XRCC1: variants seen among roughly 807,000 people sequenced by gnomAD.
The protein encoded by XRCC1 is DNA repair protein XRCC1.
In XRCC1, 52 loss-of-function variants were observed where a neutral mutation model predicts 83.3. That is an observed-to-expected ratio of 0.62 (90% CI 0.50 to 0.79). The LOEUF (loss-of-function observed/expected upper bound fraction) is 0.79. Ranked by LOEUF, XRCC1 falls within the 30% of genes least tolerant of loss-of-function variation. XRCC1 has a pLI of 0.00. For synonymous variants in XRCC1, 281 were observed against 312.6 expected, an observed-to-expected ratio of 0.90 and a Z score of 1.07; for missense variants, 793 against 823.5, an observed-to-expected ratio of 0.96 and a Z score of 0.45.
chr19:43,543,332 T>G lies in XRCC1; in HGVS notation c.*60A>C. ...TGGATGAGAACCAACTCATCTTTAT[T>G]AAATGCATCGTGTGTGTGTGTGTGT... is the stretch of plus-strand genomic sequence containing the variant. On this transcript the variant is annotated 3_prime_UTR_variant, in exon 17 of 17. Coordinates refer to ENST00000262887, the MANE Select transcript of XRCC1 (RefSeq NM_006297.3). 6.9e-7 allele frequency: 1 copy of G among 1,447,278 alleles called. No homozygotes were observed. The highest frequency in any genetic ancestry group is 9.5e-7 in the Non-Finnish European group (1 of 1,056,706). 89.7% of individuals were successfully genotyped at this position (1,447,278 alleles called of 1,614,324 possible).
At chr19:43,559,573 G>T (rs905210920) in intron 3 of XRCC1, among the ~76,000 whole-genome samples, 3 of 149,878 alleles carry the variant, frequency 2.0e-5, no homozygotes, top group Admixed American at 1.3e-4. Context: ...ATGAAACAGA[G>T]ATCTAAATGT....
At chr19:43,558,293 C>T (rs1371274991) in intron 3 of XRCC1, among the ~76,000 whole-genome samples, 2 of 151,394 alleles carry the variant, frequency 1.3e-5, no homozygotes, top group Non-Finnish European at 2.9e-5. Flanking sequence ...TGAGATCGTG[C>T]CACTGCACTC....
At chr19:43,544,345 G>T in intron 14 of XRCC1, 111 bp from the exon 15 acceptor site, 1 of 902,714 alleles carries the variant, frequency 1.1e-6, no homozygotes, top group Non-Finnish European at 1.7e-6. Context: ...TCCACATGTG[G>T]GCAGGGATTG....
In XRCC1 at chr19:43,562,774, G is replaced by A. The variant is rs3213314; in HGVS notation, c.145-1754C>T. Among the ~76,000 whole-genome samples the A allele has an allele frequency of 7.1e-4, 108 of 152,298 alleles. 1 individual carries two copies. In the South Asian group the frequency reaches 0.022, roughly 30 times the overall value. Reference sequence around the variant, plus strand: ...AAAACTTACCCTCCCTCTGAAGGAAGTTGAGATGACACAGAATTAACAACT... The same window carrying A: ...AAAACTTACCCTCCCTCTGAAGGAAATTGAGATGACACAGAATTAACAACT... On this transcript the variant is annotated intron_variant, in intron 2 of 16. Coordinates refer to ENST00000262887, the MANE Select transcript of XRCC1 (RefSeq NM_006297.3).
chr19:43,546,913 C>A lies in XRCC1; in HGVS notation c.1264G>T (p.Gly422Ter), dbSNP rs371113463. The A allele has an allele frequency of 6.2e-7, 1 of 1,614,008 alleles. No homozygotes were observed. The highest frequency in any genetic ancestry group is 8.5e-7 in the Non-Finnish European group (1 of 1,180,004). Reference protein sequence around the residue: ...EDEASHSGGSGDEAPKLPQKQ... With the variant: ...EDEASHSGGS ...TGAGGAAGCTTGGGGGCTTCATCTC[C>A]GCTGCCACCGCTGTGAGAGGCCTCA... Residue 422 changes from glycine to a stop codon, truncating the protein, a stop_gained, in exon 11 of 17, where the codon GGA becomes TGA. Coordinates refer to ENST00000262887, the MANE Select transcript of XRCC1 (RefSeq NM_006297.3). LOFTEE classifies it high-confidence loss of function.
chr19:43,558,194 G>T (rs1448103847), intron 3 of XRCC1, among the ~76,000 whole-genome samples: 1 of 152,064 alleles, frequency 6.6e-6, no homozygotes, highest in Non-Finnish European at 1.5e-5. Context: ...GCAAAGTTGG[G>T]CATGGTGGTG....
Position 43,551,654 on chromosome 19 carries a change from C to T in XRCC1, c.1116G>A (p.Gln372=). 6.2e-7 allele frequency: 1 copy of T among 1,614,180 alleles called. No homozygotes were observed. Among genetic ancestry groups the T allele is most frequent in the Non-Finnish European group, 8.5e-7 (1 of 1,180,030 alleles). ...CAFANTPKYS[Q]VLGLGGRIVR... is the part of the protein sequence containing the mutation. ...CGATGCGGCCTCCCAGGCCTAGGAC[C>T]TGGCTGTACTTGGGGGTGTTGGCAA... The change falls in exon 10 of 17, where the codon CAG becomes CAA. Residue 372 remains glutamine (Q), a synonymous_variant. Coordinates refer to ENST00000262887, the MANE Select transcript of XRCC1 (RefSeq NM_006297.3).
rs1316675178 is a variant in XRCC1, at chr19:43,552,998, A to G, written c.695T>C (p.Ile232Thr). The G allele has an allele frequency of 4.4e-6, 7 of 1,603,338 alleles. No individual in the cohort carries two copies. In the East Asian group the frequency reaches 9.0e-5, roughly 21 times the overall value. The change falls in exon 7 of 17, where the codon ATA becomes ACA. Residue 232 changes from isoleucine (I) to threonine (T), a missense_variant. By Grantham distance (89) the Ile-to-Thr change is moderately conservative. Coordinates refer to ENST00000262887, the MANE Select transcript of XRCC1 (RefSeq NM_006297.3). ...TGATTTCACCTTGGAGGTGCTGCCT[A>G]TGGCCCTGGAGACTGGAGAGGCTGA... is the stretch of plus-strand genomic sequence containing the variant. ...ASSASPVSRA[I>T]GSTSKPQESP... is the part of the protein sequence containing the mutation.
intron 2 of XRCC1, 25 bp downstream of exon 2, chr19:43,574,885 G>A (rs1412413245): frequency 1.3e-6 from 2 of 1,591,478 alleles, no homozygotes; most frequent in Non-Finnish European, 1.7e-6. Flanking sequence ...CTCCTAGTGA[G>A]GAGGAGGTGG....
At chr19:43,553,707 A>G in intron 4 of XRCC1, 24 bp from the exon 5 acceptor site, 1 of 1,519,372 alleles carries the variant, frequency 6.6e-7, no homozygotes, top group African/African-American at 1.4e-5. Context: ...GGTGGGAGTC[A>G]GGGAGTCTGG....
chr19:43,547,094 G>T (rs1972520701), intron 10 of XRCC1, 117 bp from the exon 11 acceptor site: 2 of 984,512 alleles, frequency 2.0e-6, no homozygotes, highest in Non-Finnish European at 3.0e-6. Context: ...TCATGGTCTT[G>T]TTCCCAGCCC....
chr19:43,552,986 G>A lies in XRCC1; in HGVS notation c.707C>T (p.Ser236Phe). 6.2e-7 allele frequency: 1 copy of A among 1,604,334 alleles called. No individual in the cohort carries two copies. Among genetic ancestry groups the A allele is most frequent in the Non-Finnish European group, 8.5e-7 (1 of 1,175,818 alleles). The part of the protein sequence containing the change: ...SPVSRAIGST[S>F]KPQESPKGKR... ...ACCAAAGTCTGATGATTTCACCTTG[G>A]AGGTGCTGCCTATGGCCCTGGAGAC... Residue 236 changes from serine to phenylalanine, a missense_variant, in exon 7 of 17, where the codon TCC becomes TTC. Ser to Phe is a radical substitution (Grantham distance 155). Coordinates refer to ENST00000262887, the MANE Select transcript of XRCC1 (RefSeq NM_006297.3).
At chr19:43,545,994 G>A (rs766798860) in intron 13 of XRCC1, 37 bp from the exon 14 acceptor site, 8 of 1,613,680 alleles carry the variant, frequency 5.0e-6, no homozygotes, top group Non-Finnish European at 6.8e-6. Context: ...TGAGCATGCA[G>A]AGCAGCCTCC....
At chr19:43,550,165 G>A (rs573132841) in intron 10 of XRCC1, among the ~76,000 whole-genome samples, 9 of 152,258 alleles carry the variant, frequency 5.9e-5, no homozygotes, top group African/African-American at 2.2e-4. Context: ...TCAGGTTTTA[G>A]AGAGGCAAAT....
At chr19:43,549,467 G>C (rs1283152880) in intron 10 of XRCC1, among the ~76,000 whole-genome samples, 1 of 152,052 alleles carries the variant, frequency 6.6e-6, no homozygotes, top group African/African-American at 2.4e-5. Context: ...TACCATGTTG[G>C]CCAGGCTGGT....
chr19:43,556,420 A>G (rs1010453465), intron 3 of XRCC1, among the ~76,000 whole-genome samples: 1 of 152,182 alleles, frequency 6.6e-6, no homozygotes, highest in African/African-American at 2.4e-5. Flanking sequence ...ACCAAAGAAG[A>G]GGTGAAAATT....
chr19:43,572,927 C>CTTTTTTTTTTT (rs1015971628), intron 2 of XRCC1, among the ~76,000 whole-genome samples: 15 of 91,136 alleles, frequency 1.6e-4, no homozygotes, highest in Non-Finnish European at 2.8e-4. Flanking sequence ...GAGATCTTTT[C>CTTTTTTTTTTT]TTTTTTTTTT....
chr19:43,571,033 G>C (rs760112138), intron 2 of XRCC1, among the ~76,000 whole-genome samples: 1 of 152,172 alleles, frequency 6.6e-6, no homozygotes, highest in Non-Finnish European at 1.5e-5. Flanking sequence ...TGTCAACATG[G>C]AGCCAGCAGG....
chr19:43,556,985 A>C (rs1185817452), intron 3 of XRCC1, among the ~76,000 whole-genome samples: 1 of 149,924 alleles, frequency 6.7e-6, no homozygotes, highest in Non-Finnish European at 1.5e-5. Context: ...AGCCTGGGTG[A>C]CGGAGCAAGA....
Sources: gnomAD v4.1 joint callset for allele counts (sites outside exome capture counted in the v4.1 genomes callset) on GRCh38, gnomAD v4.1.1 for gene constraint, MANE v1.5 for transcripts, NCBI Gene and HGNC (gene_info 2026-07-23, HGNC 2026-07-21) for gene names.